PPT1: variants seen among roughly 807,000 people sequenced by gnomAD.
The protein encoded by PPT1 is ceroid-palmitoyl-palmitoyl-protein thioesterase 1.
Under a neutral mutation model 44.0 loss-of-function variants are expected in PPT1, and 24 were observed. That is an observed-to-expected ratio of 0.54 (90% confidence interval 0.39 to 0.77). PPT1 has a LOEUF of 0.77. Ranked by LOEUF, PPT1 falls within the 30% of genes least tolerant of loss-of-function variation. PPT1 has a pLI of 0.00. For synonymous variants in PPT1, 148 were observed against 140.2 expected, an observed-to-expected ratio of 1.06 and a Z score of -0.39; for missense variants, 341 against 378.8, an observed-to-expected ratio of 0.90 and a Z score of 0.83.
Position 40,089,459 on chromosome 1 carries a change from T to C in PPT1, c.487A>G (p.Ile163Val). Reference sequence around the variant, plus strand: ...GCCCCAGCATTCAGTGTTTTTCGGATGAAGTCACAGATGTGAGAGCTCTCT... The same window carrying C: ...GCCCCAGCATTCAGTGTTTTTCGGACGAAGTCACAGATGTGAGAGCTCTCT... The part of the protein sequence containing the change: ...PGESSHICDF[I>V]RKTLNAGAYS... Residue 163 changes from isoleucine to valine, a missense_variant, in exon 5 of 9, where the codon ATC (isoleucine) becomes GTC (valine). By Grantham distance (29) the Ile-to-Val change is conservative. Coordinates refer to ENST00000642050, the MANE Select transcript of PPT1 (RefSeq NM_000310.4). The C allele has an allele frequency of 6.2e-7, 1 of 1,614,052 alleles. No homozygotes were observed. The highest frequency in any genetic ancestry group is 8.5e-7 in the Non-Finnish European group (1 of 1,180,004).
chr1:40,094,687 C>A (rs1432556614), intron 1 of PPT1, among the ~76,000 whole-genome samples: 4 of 152,152 alleles, frequency 2.6e-5, no homozygotes, highest in African/African-American at 4.8e-5. Context: ...GGACTGAGAT[C>A]ATTTCCCATT....
rs138648610 is a variant in PPT1 at position 40,092,986 on chromosome 1, T to C, written c.125-479A>G. ...TGGTGGTTTCTCAAAAAGTTAAACA[T>C]ACGATTACTAAATGACTCAGCAATT... On this transcript the variant is annotated intron_variant, in intron 1 of 8. Coordinates refer to ENST00000642050, the MANE Select transcript of PPT1 (RefSeq NM_000310.4). Among the ~76,000 whole-genome samples the C allele has an allele frequency of 7.5e-3, 1,145 of 152,260 alleles. 18 individuals are homozygous for C. The highest frequency in any genetic ancestry group is 0.026 in the African/African-American group (1,085 of 41,526).
Position 40,097,230 on chromosome 1 carries a change from C to T in PPT1, c.9G>A (p.Ser3=). The part of the protein sequence containing the change: MA[S]PGCLWLLAVA... ...CAGCCAAGAGCCACAGGCAGCCGGG[C>T]GACGCCATCTTCGCTGTGTCACATG... Residue 3 remains serine (S), a synonymous_variant, in exon 1 of 9, where the codon TCG becomes TCA. Transcript: ENST00000642050. The T allele has an allele frequency of 6.2e-7, 1 of 1,613,908 alleles. No homozygotes were observed. The highest frequency in any genetic ancestry group is 8.5e-7 in the Non-Finnish European group (1 of 1,179,894).
chr1:40,075,633 T>C (rs182141774), intron 8 of PPT1, among the ~76,000 whole-genome samples: 30 of 152,154 alleles, frequency 2.0e-4, no homozygotes, highest in Middle Eastern at 3.4e-3. Context: ...TTGGTTCAGA[T>C]GTAGTACTTA....
chr1:40,096,191 C>T (rs1649830477), intron 1 of PPT1, among the ~76,000 whole-genome samples: 1 of 152,176 alleles, frequency 6.6e-6, no homozygotes, highest in Non-Finnish European at 1.5e-5. Context: ...ATTAAAAGTG[C>T]AAGCCCCCAC....
Position 40,074,078 on chromosome 1 carries a change from T to G in PPT1, c.904A>C (p.Ile302Leu). 6.2e-7 allele frequency: 1 copy of G among 1,614,166 alleles called. No homozygotes were observed. Among genetic ancestry groups the G allele is most frequent in the East Asian group, 2.2e-5 (1 of 44,878 alleles). Residue 302 changes from isoleucine to leucine, a missense_variant, in exon 9 of 9, where the codon ATA (isoleucine) becomes CTA (leucine). By Grantham distance (5) the Ile-to-Leu change is conservative. Transcript: ENST00000642050. ...TACGGGTTTCATCCAAGGAATGGTA[T>G]GATGTGGGCATAAAACCATTCTTCA... ...LSEEWFYAHI[I>L]PFLG
At chr1:40,071,684 C>A (rs1481105719), downstream of PPT1, 10 of 590,618 alleles carry the variant, frequency 1.7e-5, no homozygotes, top group Admixed American at 3.2e-4. Flanking sequence ...CTGAAATATA[C>A]CTCAGGCTGA....
intron 1 of PPT1, among the ~76,000 whole-genome samples, chr1:40,093,748 G>A (rs1250362243): frequency 1.0e-5 from 1 of 100,138 alleles, no homozygotes. Context: ...AGCCGGGTGT[G>A]GTGGCACATG....
chr1:40,077,254 A>C (rs893269857), intron 7 of PPT1, among the ~76,000 whole-genome samples: 3 of 152,228 alleles, frequency 2.0e-5, no homozygotes, highest in Non-Finnish European at 4.4e-5. Context: ...CAAGGCACGG[A>C]AACAATTCAC....
At chr1:40,091,307 G>T in intron 4 of PPT1, 22 bp downstream of exon 4, 1 of 1,606,648 alleles carries the variant, frequency 6.2e-7, no homozygotes. Context: ...ACAGAAAAAA[G>T]AAAGCAAAGA....
chr1:40,095,856 A>C (rs1414181294), intron 1 of PPT1, among the ~76,000 whole-genome samples: 1 of 152,204 alleles, frequency 6.6e-6, no homozygotes, highest in East Asian at 1.9e-4. Flanking sequence ...TTCTTTAAAA[A>C]TGTGTCAGAT....
rs386833628 is a variant in PPT1, at chr1:40,097,114, C to T, written c.124+1G>A. 1 of 1,613,962 alleles carries T rather than the reference C, an allele frequency of 6.2e-7. No individual in the cohort carries two copies. The highest frequency in any genetic ancestry group is 8.5e-7 in the Non-Finnish European group (1 of 1,179,938). ...CCCTTTTAAATTTCTCACTCACTCA[C>T]CCATCCCATGCCAGATCACCAACGG... On this transcript the variant is annotated splice_donor_variant, in intron 1 of 8. Transcript: ENST00000642050. LOFTEE classifies it high-confidence loss of function.
chr1:40,071,809 A>G (rs1367584107), downstream of PPT1: 3 of 492,100 alleles, frequency 6.1e-6, no homozygotes, highest in African/African-American at 5.8e-5. Flanking sequence ...AGGACTGATG[A>G]TGCATTTTAG....
chr1:40,095,637 T>C (rs1050480703), intron 1 of PPT1, among the ~76,000 whole-genome samples: 1 of 152,164 alleles, frequency 6.6e-6, no homozygotes, highest in African/African-American at 2.4e-5. Flanking sequence ...CTTTGGCTCC[T>C]TTCTTTCTCT....
At chr1:40,096,781 G>C (rs768229229) in intron 1 of PPT1, 1 of 343,198 alleles carries the variant, frequency 2.9e-6, no homozygotes, top group Non-Finnish European at 5.5e-6. Context: ...GGGTAGATGC[G>C]CCAGTCATAT....
chr1:40,088,447 C>T (rs1388142257), intron 5 of PPT1, among the ~76,000 whole-genome samples: 2 of 152,138 alleles, frequency 1.3e-5, no homozygotes, highest in East Asian at 3.9e-4. Flanking sequence ...GCCCGGCCCA[C>T]AACTTCTAAG....
At chr1:40,082,716 T>C (rs1649030506) in intron 5 of PPT1, among the ~76,000 whole-genome samples, 1 of 152,086 alleles carries the variant, frequency 6.6e-6, no homozygotes, top group African/African-American at 2.4e-5. Context: ...AACACAGGAG[T>C]GCAAGATGGG....
chr1:40,084,580 G>A (rs190246286), intron 5 of PPT1, among the ~76,000 whole-genome samples: 207 of 152,340 alleles, frequency 1.4e-3, no homozygotes, highest in African/African-American at 4.9e-3. Context: ...AATGTGGGCA[G>A]CAGGCCACCC....
chr1:40,092,957 A>C (rs972323711), intron 1 of PPT1, among the ~76,000 whole-genome samples: 2 of 152,218 alleles, frequency 1.3e-5, no homozygotes, highest in African/African-American at 4.8e-5. Flanking sequence ...TGTGAAAAAC[A>C]GTTTGGTGGT....
Sources: allele counts gnomAD v4.1 joint callset (sites outside exome capture counted in the v4.1 genomes callset), GRCh38; gene constraint gnomAD v4.1.1; transcripts MANE v1.5; gene names NCBI Gene and HGNC (gene_info 2026-07-23, HGNC 2026-07-21).